Variants in ZMAT4 observed in about 807,000 individuals in gnomAD.
ZMAT4 encodes zinc finger matrin-type protein 4.
ZMAT4 carries 17 observed loss-of-function variants against 28.7 expected under a neutral mutation model. That is an observed-to-expected ratio of 0.59 (90% CI 0.41 to 0.89). The LOEUF (loss-of-function observed/expected upper bound fraction) is 0.89, where lower values mean the gene tolerates loss of function less well. Among genes scored for constraint, ZMAT4 ranks in the 40% least tolerant of loss-of-function variants. The pLI, the probability that ZMAT4 is intolerant of heterozygous loss-of-function variation, is 0.00. For missense variants in ZMAT4, 240 were observed against 283.8 expected, an observed-to-expected ratio of 0.85 and a Z score of 1.11; for synonymous variants, 117 against 109.2, an observed-to-expected ratio of 1.07 and a Z score of -0.44.
intron 3 of ZMAT4, among the ~76,000 whole-genome samples, chr8:40,754,833 T>A (rs1156789483): frequency 1.3e-5 from 2 of 152,130 alleles, no homozygotes; most frequent in Non-Finnish European, 2.9e-5. Context: ...GGCAACATAG[T>A]GAGACCTTGT....
chr8:40,812,912 G>A (rs903025611), intron 2 of ZMAT4, among the ~76,000 whole-genome samples: 3 of 149,598 alleles, frequency 2.0e-5, no homozygotes, highest in Non-Finnish European at 3.0e-5. Context: ...CAGCCTGGGC[G>A]ACAAGAGCAA....
At chr8:40,890,725 C>A (rs1586233064) in intron 1 of ZMAT4, among the ~76,000 whole-genome samples, 1 of 152,164 alleles carries the variant, frequency 6.6e-6, no homozygotes, top group South Asian at 2.1e-4. Context: ...ACCTGGTGGG[C>A]ACCCACAACC....
At chr8:40,656,295 A>T (rs1341763657) in intron 5 of ZMAT4, among the ~76,000 whole-genome samples, 1 of 152,142 alleles carries the variant, frequency 6.6e-6, no homozygotes, top group Non-Finnish European at 1.5e-5. Context: ...GGTAGATAAT[A>T]AGTGTTGACA....
intron 5 of ZMAT4, among the ~76,000 whole-genome samples, chr8:40,644,508 C>T (rs1310898300): frequency 6.6e-6 from 1 of 152,010 alleles, no homozygotes; most frequent in Non-Finnish European, 1.5e-5. Flanking sequence ...AAAATAATCA[C>T]AGTAGAATTA....
At chr8:40,628,455 A>T (rs1806455740) in intron 5 of ZMAT4, among the ~76,000 whole-genome samples, 1 of 152,248 alleles carries the variant, frequency 6.6e-6, no homozygotes, top group African/African-American at 2.4e-5. Flanking sequence ...TTCTAGGCTC[A>T]GAGAAGTTAA....
intron 2 of ZMAT4, among the ~76,000 whole-genome samples, chr8:40,782,074 G>A (rs190823753): frequency 7.3e-4 from 111 of 152,182 alleles, no homozygotes; most frequent in African/African-American, 2.6e-3. Context: ...TAAATAAATT[G>A]GATGTCATCA....
At chr8:40,732,440 A>G (rs1161975391) in intron 3 of ZMAT4, among the ~76,000 whole-genome samples, 1 of 152,102 alleles carries the variant, frequency 6.6e-6, no homozygotes, top group Non-Finnish European at 1.5e-5. Flanking sequence ...AGCCTTAGGA[A>G]CCCAAGTAGA....
rs542756602 is a variant in ZMAT4 at position 40,846,099 on chromosome 8, G to C, written c.-4-20419C>G. On this transcript the variant is annotated intron_variant, in intron 1 of 6. Coordinates refer to ENST00000297737, the MANE Select transcript of ZMAT4 (RefSeq NM_024645.3). ...CTGTCAAACTTTCACTAAACAGTCT[G>C]CAAACCAGCCAGCCCCAGCTGAGAC... Among the ~76,000 whole-genome samples, 368 of 152,286 alleles carry C rather than the reference G, an allele frequency of 2.4e-3. 2 individuals carry two copies. The highest frequency in any genetic ancestry group is 8.3e-3 in the African/African-American group (347 of 41,564).
chr8:40,565,112 A>C (rs1389365733), intron 6 of ZMAT4, among the ~76,000 whole-genome samples: 1 of 152,202 alleles, frequency 6.6e-6, no homozygotes, highest in African/African-American at 2.4e-5. Flanking sequence ...GTCTCTAATC[A>C]TCATTCTTTG....
chr8:40,854,897 G>A (rs1038395859), intron 1 of ZMAT4, among the ~76,000 whole-genome samples: 8 of 152,026 alleles, frequency 5.3e-5, no homozygotes, highest in Non-Finnish European at 1.5e-5. Flanking sequence ...TTTTTTAAAG[G>A]ACTCAATTTT....
intron 5 of ZMAT4, among the ~76,000 whole-genome samples, chr8:40,611,489 C>G (rs1029793174): frequency 6.6e-6 from 1 of 152,054 alleles, no homozygotes; most frequent in African/African-American, 2.4e-5. Flanking sequence ...TATAGGCGCA[C>G]GCCACCACGC....
intron 1 of ZMAT4, among the ~76,000 whole-genome samples, chr8:40,834,229 A>C (rs1816396117): frequency 6.6e-6 from 1 of 152,136 alleles, no homozygotes; most frequent in Non-Finnish European, 1.5e-5. Context: ...CAGAGCAGCA[A>C]AGGCAGCCCC....
At chr8:40,854,855 C>T (rs1442268810) in intron 1 of ZMAT4, among the ~76,000 whole-genome samples, 3 of 152,112 alleles carry the variant, frequency 2.0e-5, no homozygotes, top group Admixed American at 6.5e-5. Context: ...CTGCGAGATA[C>T]CCTAAAGGGC....
chr8:40,575,792 T>C (rs1360828234), intron 6 of ZMAT4, among the ~76,000 whole-genome samples: 3 of 151,890 alleles, frequency 2.0e-5, no homozygotes, highest in African/African-American at 7.3e-5. Context: ...AGGATCATAA[T>C]TCCTCAGTAA....
In ZMAT4 at chr8:40,804,766, G is replaced by A. The variant is rs563806585; in HGVS notation, c.102+20809C>T. Among the ~76,000 whole-genome samples, 336 of 152,040 alleles carry A rather than the reference G, an allele frequency of 2.2e-3. 1 individual carries two copies. The highest frequency in any genetic ancestry group is 0.01 in the Admixed American group (156 of 15,252). On this transcript the variant is annotated intron_variant, in intron 2 of 6. Coordinates refer to ENST00000297737, the MANE Select transcript of ZMAT4 (RefSeq NM_024645.3). ...TGAGGCAGGAAAATTGCTTGAACCC[G>A]GGAGGTGGAGGTTGCAGTGAGCCGA...
intron 5 of ZMAT4, among the ~76,000 whole-genome samples, chr8:40,600,553 A>G (rs1805265990): frequency 1.3e-5 from 2 of 152,146 alleles, no homozygotes; most frequent in South Asian, 4.1e-4. Context: ...GGGCTGTCCT[A>G]ATCTCAAGAA....
intron 5 of ZMAT4, among the ~76,000 whole-genome samples, chr8:40,668,743 A>G (rs1167610688): frequency 6.6e-6 from 1 of 152,126 alleles, no homozygotes; most frequent in Non-Finnish European, 1.5e-5. Context: ...AAAGGAAAAT[A>G]TAAACACCAG....
chr8:40,665,614 GA>G (rs759417626), intron 5 of ZMAT4, among the ~76,000 whole-genome samples: 2 of 152,190 alleles, frequency 1.3e-5, no homozygotes, highest in Admixed American at 6.6e-5. Flanking sequence ...TCCATTCCCA[GA>G]AAACTCAGAG....
In ZMAT4 at chr8:40,616,345, A is replaced by G. The variant is rs577771066; in HGVS notation, c.578-35084T>C. On this transcript the variant is annotated intron_variant, in intron 5 of 6. Transcript: ENST00000297737. ...GAGTGTGGTGATTCCTCAAGGATCT[A>G]GAACTAGAAATACCATTTGACCCAG... 4.1e-3 allele frequency among the ~76,000 whole-genome samples: 631 copies of G among 152,332 alleles called. 1 individual carries two copies. Among genetic ancestry groups the G allele is most frequent in the Non-Finnish European group, 6.9e-3 (471 of 68,030 alleles).
Sources: gnomAD v4.1 joint callset for allele counts (sites outside exome capture counted in the v4.1 genomes callset) on GRCh38, gnomAD v4.1.1 for gene constraint, MANE v1.5 for transcripts, NCBI Gene and HGNC (gene_info 2026-07-23, HGNC 2026-07-21) for gene names.